Variants in SH3BP5L observed in about 807,000 individuals in gnomAD.
SH3BP5L encodes the protein SH3 binding domain protein 5 like, also known as SH3 domain-binding protein 5-like.
A neutral mutation model predicts 40.9 loss-of-function variants in SH3BP5L; 16 were observed. The observed-to-expected ratio is 0.39, with a 90% confidence interval of 0.27 to 0.59. SH3BP5L has a LOEUF of 0.59. Ranked by LOEUF, SH3BP5L falls within the 20% of genes least tolerant of loss-of-function variation. The pLI, the probability that SH3BP5L is intolerant of heterozygous loss-of-function variation, is 0.53. For synonymous variants in SH3BP5L, 229 were observed against 226.7 expected, an observed-to-expected ratio of 1.01 and a Z score of -0.09; for missense variants, 471 against 544.6, an observed-to-expected ratio of 0.86 and a Z score of 1.35.
Position 248,816,558 on chromosome 1 carries a change from A to G in SH3BP5L, c.351T>C (p.Tyr117=). ...GSCIEKARPY[Y]EARRLAKEAQ... ...CCTCCTTAGCCAGCCGCCGAGCCTC[A>G]TAGTAGGGCCGGGCTTTCTCGATGC... Residue 117 remains tyrosine (Y), a synonymous_variant, in exon 4 of 7, where the codon TAT becomes TAC. Transcript: ENST00000366472. The G allele has an allele frequency of 6.2e-7, 1 of 1,614,098 alleles. No individual in the cohort carries two copies. The highest frequency in any genetic ancestry group is 8.5e-7 in the Non-Finnish European group (1 of 1,180,000).
At chr1:248,816,440 TC>T in intron 4 of SH3BP5L, 93 bp downstream of exon 4, 1 of 1,529,640 alleles carries the variant, frequency 6.5e-7, no homozygotes, top group Admixed American at 1.7e-5. Context: ...GCCCTCAGGG[TC>T]TGGTGTTTTG....
Position 248,824,308 on chromosome 1 carries a change from A to G in SH3BP5L, c.183+445T>C, listed in dbSNP as rs139057019. On this transcript the variant is annotated intron_variant, in intron 2 of 6. Transcript: ENST00000366472. ...CACATCCCTGGAAGGTACCGCTGAG[A>G]AGGTGAGAAAGGGGAAAAGATTCTC... Among the ~76,000 whole-genome samples, 838 of 152,314 alleles carry G rather than the reference A, an allele frequency of 5.5e-3. 12 individuals are homozygous for G. Among genetic ancestry groups the G allele is most frequent in the Middle Eastern group, 0.02 (6 of 294 alleles).
At chr1:248,822,317 GC>G (rs1190488591) in intron 2 of SH3BP5L, among the ~76,000 whole-genome samples, 1 of 152,172 alleles carries the variant, frequency 6.6e-6, no homozygotes, top group Admixed American at 6.5e-5. Flanking sequence ...CGTGAAGGGT[GC>G]CCCTCAAGCC....
At position 248,812,823 on chromosome 1, in the gene SH3BP5L, C is replaced by T. The variant is rs1471483524; in HGVS notation, c.711+166G>A. Among the ~76,000 whole-genome samples the T allele has an allele frequency of 6.6e-6, 1 of 152,050 alleles. No homozygotes were observed. The highest frequency in any genetic ancestry group is 2.4e-5 in the African/African-American group (1 of 41,370). On this transcript the variant is annotated intron_variant, in intron 6 of 6. Transcript: ENST00000366472. The surrounding 1 kb of genome is among the most constrained non-coding windows in gnomAD (Gnocchi z 6.1). ...CACCAGCCCCCATCCCTGCCTCTCA[C>T]TCCTGCAAGGTCATTTGGAACATGT... is the stretch of plus-strand genomic sequence containing the variant.
At chr1:248,823,521 T>C (rs114075049) in intron 2 of SH3BP5L, among the ~76,000 whole-genome samples, 5,452 of 152,256 alleles carry the variant, frequency 0.036, 314 homozygotes, top group African/African-American at 0.12. Flanking sequence ...TCTGTAGAAA[T>C]AGCAAGAAAA....
At chr1:248,819,374 A>G (rs1159927967) in intron 2 of SH3BP5L, among the ~76,000 whole-genome samples, 1 of 151,306 alleles carries the variant, frequency 6.6e-6, no homozygotes, top group African/African-American at 2.4e-5. Flanking sequence ...AAAATACACT[A>G]ACACTAACTA....
intron 4 of SH3BP5L, among the ~76,000 whole-genome samples, chr1:248,815,184 G>A (rs1480451166): frequency 6.6e-6 from 1 of 152,206 alleles, no homozygotes; most frequent in East Asian, 1.9e-4. Context: ...GGCTGAGGGA[G>A]GAGGATTACT....
At position 248,825,881 on chromosome 1, in the gene SH3BP5L, T is replaced by TGCCCCCCCCCC; in HGVS notation, c.-479_-478insGGGGGGGGGGC. The TGCCCCCCCCCC allele has an allele frequency of 4.2e-6, 4 of 941,898 alleles. No homozygotes were observed. The highest frequency in any genetic ancestry group is 5.0e-5 in the South Asian group (1 of 20,130). 58.3% of individuals were successfully genotyped at this position (941,898 alleles called of 1,614,324 possible). On this transcript the variant is annotated 5_prime_UTR_variant, in exon 1 of 7. Coordinates refer to ENST00000366472, the MANE Select transcript of SH3BP5L (RefSeq NM_030645.3). ...CGGAGCTTCTATGCTGCAAACAATC[T>TGCCCCCCCCCC]CCCCCCCTCCCTCCCCGCAACAAGC...
rs970591617 is a variant in SH3BP5L at position 248,819,639 on chromosome 1, G to A, written c.184-2755C>T. On this transcript the variant is annotated intron_variant, in intron 2 of 6. Coordinates refer to ENST00000366472, the MANE Select transcript of SH3BP5L (RefSeq NM_030645.3). ...AATCACCTGAATCTGGGAGGCGGAAGTTGCAGTGGTCTGAGATTGTGCCAC... is the reference window on the plus strand; with the variant it reads ...AATCACCTGAATCTGGGAGGCGGAAATTGCAGTGGTCTGAGATTGTGCCAC... 2.9e-5 allele frequency among the ~76,000 whole-genome samples: 4 copies of A among 138,510 alleles called. No homozygotes were observed. The East Asian group carries it at 6.6e-4, about 23-fold the overall frequency. 90.9% of individuals were successfully genotyped at this position (138,510 alleles called of 152,430 possible). A position where few individuals can be genotyped will look rare whatever the true frequency, so the allele number is the denominator to read the frequency against.
chr1:248,814,223 C>A (rs1011115565), intron 5 of SH3BP5L: 3 of 577,414 alleles, frequency 5.2e-6, no homozygotes, highest in Non-Finnish European at 9.2e-6. Flanking sequence ...TGGAGGCAAA[C>A]GTTCAAGAAG....
intron 2 of SH3BP5L, among the ~76,000 whole-genome samples, chr1:248,823,123 C>G (rs548522764): frequency 8.5e-5 from 13 of 152,262 alleles, no homozygotes; most frequent in South Asian, 6.2e-4. Flanking sequence ...TAGTAGAGGC[C>G]AAGTAAAGAG....
Position 248,812,391 on chromosome 1 carries a change from C to G in SH3BP5L, c.712-21G>C. ...TGCTCCTGCAGAGGGCAGAGCAGAG[C>G]AAGGCGACCCATGGGGCACGTCTCC... On this transcript the variant is annotated intron_variant, in intron 6 of 6. Transcript: ENST00000366472. The surrounding 1 kb of genome is among the most constrained non-coding windows in gnomAD (Gnocchi z 6.1). The G allele has an allele frequency of 6.3e-7, 1 of 1,590,058 alleles. No individual in the cohort carries two copies. The highest frequency in any genetic ancestry group is 8.5e-7 in the Non-Finnish European group (1 of 1,170,822).
At chr1:248,816,995 G>A (rs1263437714) in intron 2 of SH3BP5L, 111 bp from the exon 3 acceptor site, 2 of 1,585,418 alleles carry the variant, frequency 1.3e-6, no homozygotes, top group East Asian at 2.3e-5. Flanking sequence ...CCAGGGAAAT[G>A]AGGTGAGACA....
intron 2 of SH3BP5L, among the ~76,000 whole-genome samples, chr1:248,818,364 C>CA (rs11290285): frequency 2.0e-4 from 30 of 150,350 alleles, no homozygotes; most frequent in Non-Finnish European, 2.7e-4. Flanking sequence ...AAAAAACAAA[C>CA]AAAAAAAAAA....
Position 248,813,085 on chromosome 1 carries a change from C to G in SH3BP5L, c.615G>C (p.Glu205Asp). The change falls in exon 6 of 7, where the codon GAG (glutamate) becomes GAC (aspartate). Residue 205 changes from glutamate to aspartate, a missense_variant. By Grantham distance (45) the Glu-to-Asp change is conservative (BLOSUM62 2). Around this residue, in one of 2 missense-constraint regions of SH3BP5L, gnomAD observed 275 missense variants for 370.1 expected, o/e 0.74. Transcript: ENST00000366472. ...QRVTRLCQQA[E>D]ARVQALQKTL... ...TCTTCTGCAGGGCTTGGACCCGAGCCTCAGCCTGTTGGCACAGCCGAGTCA... is the reference window on the plus strand; with the variant it reads ...TCTTCTGCAGGGCTTGGACCCGAGCGTCAGCCTGTTGGCACAGCCGAGTCA... 6.2e-7 allele frequency: 1 copy of G among 1,612,310 alleles called. No individual in the cohort carries two copies. The highest frequency in any genetic ancestry group is 1.3e-5 in the African/African-American group (1 of 74,956).
chr1:248,823,251 T>A (rs1664296457), intron 2 of SH3BP5L, among the ~76,000 whole-genome samples: 1 of 152,182 alleles, frequency 6.6e-6, no homozygotes, highest in South Asian at 2.1e-4. Flanking sequence ...AGACAGCTCT[T>A]TCCCAAAGTG....
chr1:248,817,238 G>C (rs546635231), intron 2 of SH3BP5L, among the ~76,000 whole-genome samples: 135 of 152,314 alleles, frequency 8.9e-4, no homozygotes, highest in African/African-American at 2.9e-3. Context: ...TCAAACTGAG[G>C]GAGTCTCCTT....
chr1:248,818,090 G>A (rs1400837219), intron 2 of SH3BP5L, among the ~76,000 whole-genome samples: 1 of 152,106 alleles, frequency 6.6e-6, no homozygotes, highest in Non-Finnish European at 1.5e-5. Flanking sequence ...GCTCACACCT[G>A]TAATCCCAGC....
chr1:248,820,863 T>A (rs1197857806), intron 2 of SH3BP5L: 1 of 152,222 alleles, frequency 6.6e-6, no homozygotes, highest in African/African-American at 2.4e-5. Context: ...AACTTCCAGC[T>A]CCTGACAAGA....
Sources: allele counts gnomAD v4.1 joint callset (sites outside exome capture counted in the v4.1 genomes callset), GRCh38; gene constraint gnomAD v4.1.1; regional missense constraint gnomAD v4.1.1; non-coding constraint Gnocchi (gnomAD v3.1); transcripts MANE v1.5; gene names NCBI Gene and HGNC (gene_info 2026-07-23, HGNC 2026-07-21).